Variants in PTPRN2 observed in about 807,000 individuals in gnomAD.
The protein encoded by PTPRN2 is protein tyrosine phosphatase receptor type N2, also known as receptor-type tyrosine-protein phosphatase N2.
Under a neutral mutation model 118.8 loss-of-function variants are expected in PTPRN2, and 74 were observed. The ratio of observed to expected loss-of-function variants is 0.62; its 90% CI spans 0.52 to 0.76. The LOEUF is 0.76. Among genes scored for constraint, PTPRN2 ranks in the 30% least tolerant of loss-of-function variants. The probability of loss-of-function intolerance (pLI) is 0.00; values close to 1 mark genes in which losing one functional copy is unlikely to be tolerated. For synonymous variants in PTPRN2, 641 were observed against 608.0 expected (o/e 1.05, Z -0.80); for missense variants, 1,481 against 1,394.4 (o/e 1.06, Z -0.99).
intron 2 of PTPRN2, among the ~76,000 whole-genome samples, chr7:158,365,720 CCACA>C (rs111424578): frequency 2.6e-5 from 3 of 114,356 alleles, no homozygotes; most frequent in South Asian, 2.9e-4. Flanking sequence ...GCACACACAC[CCACA>C]CACACACAGC....
chr7:158,071,558 G>T (rs1181044479), intron 11 of PTPRN2, among the ~76,000 whole-genome samples: 8 of 33,780 alleles, frequency 2.4e-4, no homozygotes, highest in Admixed American at 7.8e-4. Flanking sequence ...TCCTGGTGGT[G>T]GAGGTGCTCC....
intron 1 of PTPRN2, among the ~76,000 whole-genome samples, chr7:158,502,388 G>T (rs1276418244): frequency 6.6e-6 from 1 of 152,208 alleles, no homozygotes; most frequent in Non-Finnish European, 1.5e-5. Context: ...ATCAAAAGAA[G>T]GTTAGAAAAC....
At chr7:158,225,839 G>A (rs1828728039) in intron 3 of PTPRN2, among the ~76,000 whole-genome samples, 1 of 151,962 alleles carries the variant, frequency 6.6e-6, no homozygotes, top group Non-Finnish European at 1.5e-5. Context: ...GGGACTTGGG[G>A]CTGTGGCACT....
chr7:157,692,891 A>T (rs1797581079), intron 12 of PTPRN2, among the ~76,000 whole-genome samples: 1 of 151,810 alleles, frequency 6.6e-6, no homozygotes, highest in Non-Finnish European at 1.5e-5. Flanking sequence ...GAGAAGCGGT[A>T]CTCGGGTTCC....
At chr7:157,717,717 T>A (rs547933406) in intron 12 of PTPRN2, among the ~76,000 whole-genome samples, 44 of 152,372 alleles carry the variant, frequency 2.9e-4, no homozygotes, top group African/African-American at 1.0e-3. Context: ...GACCGCTGGC[T>A]GGGGTGGCCG....
chr7:158,421,618 T>C (rs943545136), intron 2 of PTPRN2, among the ~76,000 whole-genome samples: 7 of 152,354 alleles, frequency 4.6e-5, no homozygotes, highest in African/African-American at 9.6e-5. Flanking sequence ...GGTAATGTAC[T>C]CTTTGCTCAA....
chr7:158,336,321 A>G lies in PTPRN2; in HGVS notation c.164-19389T>C, dbSNP rs1310212578. Reference sequence around the variant, plus strand: ...TCACTCACACCCACACTCTCACCATAAGAGGTGACACCTGCAGACGTCACT... The same window carrying G: ...TCACTCACACCCACACTCTCACCATGAGAGGTGACACCTGCAGACGTCACT... On this transcript the variant is annotated intron_variant, in intron 2 of 22. Transcript: ENST00000389418. Among the ~76,000 whole-genome samples, 5 of 140,452 alleles carry G rather than the reference A, an allele frequency of 3.6e-5. No homozygotes were observed. In the East Asian group the frequency reaches 8.9e-4, roughly 25 times the overall value. 92.1% of individuals were successfully genotyped at this position (140,452 alleles called of 152,430 possible).
At chr7:158,278,946 G>A (rs1262616668) in intron 3 of PTPRN2, among the ~76,000 whole-genome samples, 1 of 152,188 alleles carries the variant, frequency 6.6e-6, no homozygotes, top group Non-Finnish European at 1.5e-5. Context: ...ATTCCTCGTG[G>A]TGGATTTGTG....
chr7:158,430,200 C>G (rs973512894), intron 2 of PTPRN2, among the ~76,000 whole-genome samples: 10 of 152,196 alleles, frequency 6.6e-5, no homozygotes, highest in African/African-American at 2.2e-4. Context: ...GCCACCACGC[C>G]CAGCTGGGAC....
At chr7:157,924,822 G>C (rs1798878254) in intron 11 of PTPRN2, among the ~76,000 whole-genome samples, 1 of 152,242 alleles carries the variant, frequency 6.6e-6, no homozygotes. Flanking sequence ...ACAGGCAAAT[G>C]CAGTTATTGA....
intron 11 of PTPRN2, among the ~76,000 whole-genome samples, chr7:157,911,016 G>A (rs763707381): frequency 3.3e-5 from 5 of 152,198 alleles, no homozygotes; most frequent in Non-Finnish European, 7.3e-5. Context: ...AAGAGAAGGG[G>A]GGTGCCCTTG....
intron 11 of PTPRN2, among the ~76,000 whole-genome samples, chr7:157,902,556 G>A (rs552871694): frequency 1.8e-4 from 26 of 143,374 alleles, no homozygotes; most frequent in Admixed American, 7.6e-4. Flanking sequence ...CCAGCCCCGC[G>A]GTGGTCTGGA....
chr7:158,372,332 C>A (rs1404941067), intron 2 of PTPRN2, among the ~76,000 whole-genome samples: 1 of 151,232 alleles, frequency 6.6e-6, no homozygotes, highest in Non-Finnish European at 1.5e-5. Context: ...AGCTGGTCCC[C>A]CCAACGCTGG....
intron 12 of PTPRN2, among the ~76,000 whole-genome samples, chr7:157,737,672 A>G (rs565246532): frequency 6.6e-6 from 1 of 152,362 alleles, no homozygotes; most frequent in East Asian, 1.9e-4. Context: ...TGCTTTCCCC[A>G]GAATGGGGCC....
chr7:158,503,668 C>T (rs918074485), intron 1 of PTPRN2, among the ~76,000 whole-genome samples: 1 of 152,212 alleles, frequency 6.6e-6, no homozygotes, highest in Non-Finnish European at 1.5e-5. Flanking sequence ...TTACCATGGA[C>T]AAATCACTCA....
At chr7:157,917,487 C>T (rs1314863259) in intron 11 of PTPRN2, among the ~76,000 whole-genome samples, 1 of 152,114 alleles carries the variant, frequency 6.6e-6, no homozygotes, top group African/African-American at 2.4e-5. Flanking sequence ...GGCGGGGCTT[C>T]GGTGGAAAGG....
chr7:157,597,582 G>C (rs1461485136), intron 16 of PTPRN2, among the ~76,000 whole-genome samples: 2 of 152,082 alleles, frequency 1.3e-5, no homozygotes, highest in East Asian at 1.9e-4. Flanking sequence ...ATGAGAAATA[G>C]GTGATTGAAA....
intron 3 of PTPRN2, among the ~76,000 whole-genome samples, chr7:158,210,541 GT>G (rs958946359): frequency 2.0e-5 from 3 of 152,042 alleles, no homozygotes; most frequent in Admixed American, 1.3e-4. Context: ...CAAAAAGTTG[GT>G]TTTTGAAAAG....
chr7:158,138,247 C>T (rs2150456670), intron 7 of PTPRN2, 47 bp downstream of exon 7: 1 of 1,575,576 alleles, frequency 6.3e-7, no homozygotes, highest in Non-Finnish European at 8.6e-7. Context: ...GAGGCCTCCC[C>T]TCCCCGCAGC....
Sources: allele counts gnomAD v4.1 joint callset (sites outside exome capture counted in the v4.1 genomes callset), GRCh38; gene constraint gnomAD v4.1.1; transcripts MANE v1.5; gene names NCBI Gene and HGNC (gene_info 2026-07-23, HGNC 2026-07-21).